The following CCNE2 variants were observed in gnomAD, a reference collection of about 807,000 sequenced individuals.
The protein encoded by CCNE2 is G1/S-specific cyclin-E2.
A neutral mutation model predicts 56.8 loss-of-function variants in CCNE2; 18 were observed. The observed-to-expected ratio is 0.32, with a 90% CI of 0.22 to 0.47. CCNE2 has a LOEUF of 0.47. Among genes scored for constraint, CCNE2 ranks in the 20% least tolerant of loss-of-function variants. The probability of loss-of-function intolerance (pLI) is 1.00; values close to 1 mark genes in which losing one functional copy is unlikely to be tolerated. For missense variants in CCNE2, 371 were observed against 467.1 expected (o/e 0.79, Z 1.90); for synonymous variants, 139 against 149.2 (o/e 0.93, Z 0.50).
At chr8:94,896,364 GC>G (rs1307152545), upstream of CCNE2, 2 of 148,866 alleles carry the variant, frequency 1.3e-5, no homozygotes, top group Non-Finnish European at 3.0e-5. Flanking sequence ...GAGGAGGGGG[GC>G]CCGACGCTCT....
At chr8:94,894,347 C>T in intron 1 of CCNE2, 100 bp from the exon 2 acceptor site, 1 of 1,167,396 alleles carries the variant, frequency 8.6e-7, no homozygotes, top group Non-Finnish European at 1.3e-6. Context: ...TCAGTCCCTC[C>T]GAAGGGGGCC....
At chr8:94,885,931 T>C (rs1446544207) in intron 7 of CCNE2, among the ~76,000 whole-genome samples, 5 of 151,976 alleles carry the variant, frequency 3.3e-5, no homozygotes, top group African/African-American at 7.3e-5. Flanking sequence ...GTAGGCCAGA[T>C]TGGTCTCAAA....
At chr8:94,893,804 A>G in intron 4 of CCNE2, 87 bp downstream of exon 4, 1 of 1,331,802 alleles carries the variant, frequency 7.5e-7, no homozygotes, top group Non-Finnish European at 1.1e-6. Context: ...AGAGGAATCT[A>G]TCGCAAAGCA....
chr8:94,889,070 C>A (rs74547098), intron 6 of CCNE2, among the ~76,000 whole-genome samples: 6,521 of 151,714 alleles, frequency 0.043, 246 homozygotes, highest in African/African-American at 0.1. Flanking sequence ...GTCGCTTGAA[C>A]GCGAGATGCA....
At chr8:94,884,920 G>T in intron 9 of CCNE2, 147 bp downstream of exon 9, 1 of 632,636 alleles carries the variant, frequency 1.6e-6, no homozygotes, top group Non-Finnish European at 2.6e-6. Flanking sequence ...AAACACTGGG[G>T]ACAGAACTTT....
Position 94,890,452 on chromosome 8 carries a change from G to C in CCNE2, c.416C>G (p.Pro139Arg). ...HFEVLHSDLE[P>R]QMRSILLDWL... ...GTCTAGAAGTATGGACCTCATCTGT[G>C]GTTCCAAGTCAGAATGCAGAACTTC... The change falls in exon 6 of 12, where the codon CCA becomes CGA. Residue 139 changes from proline to arginine, a missense_variant. Transcript: ENST00000308108. The C allele has an allele frequency of 6.2e-7, 1 of 1,607,318 alleles. No homozygotes were observed. Among genetic ancestry groups the C allele is most frequent in the Non-Finnish European group, 8.5e-7 (1 of 1,176,666 alleles).
chr8:94,888,975 C>T (rs763337206), intron 6 of CCNE2, among the ~76,000 whole-genome samples: 11 of 152,038 alleles, frequency 7.2e-5, no homozygotes, highest in African/African-American at 1.7e-4. Flanking sequence ...AGGGTGAAAC[C>T]GCATCTCTAT....
upstream of CCNE2, chr8:94,895,310 G>T (rs1196795102): frequency 3.2e-6 from 3 of 949,326 alleles, no homozygotes; most frequent in Non-Finnish European, 3.8e-6. Context: ...CCGCCCGTCC[G>T]CCCGCGTGCC....
At chr8:94,895,675 C>T (rs556347319), upstream of CCNE2, 6 of 152,368 alleles carry the variant, frequency 3.9e-5, no homozygotes, top group South Asian at 2.1e-4. Flanking sequence ...GAACCCAGGT[C>T]TTTCCTGAGC....
intron 5 of CCNE2, chr8:94,891,419 G>T (rs946001279): frequency 3.2e-5 from 9 of 277,170 alleles, no homozygotes; most frequent in African/African-American, 1.8e-4. Context: ...TGCACTTTGG[G>T]AGGCCAAGGT....
upstream of CCNE2, chr8:94,896,633 G>T (rs985245991): frequency 6.6e-6 from 1 of 152,028 alleles, no homozygotes; most frequent in Non-Finnish European, 1.5e-5. Context: ...GGCCCTGAGC[G>T]AGCCGGACGG....
chr8:94,894,827 G>T (rs1817411333), intron 1 of CCNE2, among the ~76,000 whole-genome samples: 1 of 152,222 alleles, frequency 6.6e-6, no homozygotes, highest in Admixed American at 6.5e-5. Flanking sequence ...AGCGGAGGGC[G>T]TGGGGGAGGG....
At position 94,894,207 on chromosome 8, in the gene CCNE2, C is replaced by A; in HGVS notation, c.14+1G>T. 1 of 1,614,128 alleles carries A rather than the reference C, an allele frequency of 6.2e-7. No homozygotes were observed. Among genetic ancestry groups the A allele is most frequent in the Non-Finnish European group, 8.5e-7 (1 of 1,179,976 alleles). On this transcript the variant is annotated splice_donor_variant, in intron 2 of 11. Transcript: ENST00000308108. LOFTEE classifies it high-confidence loss of function. ...CATGTCTCTAAGACAGATAATGTTA[C>A]CTTCGTCTTGACATTCTCTTCTTTC...
At chr8:94,887,114 G>A (rs1817066668) in intron 7 of CCNE2, among the ~76,000 whole-genome samples, 1 of 152,182 alleles carries the variant, frequency 6.6e-6, no homozygotes, top group African/African-American at 2.4e-5. Context: ...AAGTATTGAT[G>A]ATATCCATCA....
chr8:94,885,295 CAACCATAA>C (rs1816994106), intron 8 of CCNE2, 94 bp from the exon 9 acceptor site: 5 of 1,223,326 alleles, frequency 4.1e-6, no homozygotes, highest in Non-Finnish European at 5.9e-6. Flanking sequence ...ATTCCCCATC[CAACCATAA>C]CCATTGTCAA....
In CCNE2 at chr8:94,881,499, G is replaced by C; in HGVS notation, c.*133C>G. On this transcript the variant is annotated 3_prime_UTR_variant, in exon 12 of 12. Transcript: ENST00000308108. ...GTGCCAATTGTAAGTTTTAAAATCA[G>C]AATGGCAGTGTAACTTGTGAATTGG... 1 of 768,568 alleles carries C rather than the reference G, an allele frequency of 1.3e-6. No homozygotes were observed. The highest frequency in any genetic ancestry group is 2.1e-6 in the Non-Finnish European group (1 of 480,358). 47.6% of individuals were successfully genotyped at this position (768,568 alleles called of 1,614,324 possible). A position where few individuals can be genotyped will look rare whatever the true frequency, so the allele number is the denominator to read the frequency against.
intron 4 of CCNE2, among the ~76,000 whole-genome samples, chr8:94,893,317 C>CTT (rs11290412): frequency 7.2e-6 from 1 of 139,376 alleles, no homozygotes; most frequent in Admixed American, 7.2e-5. Flanking sequence ...TAGCAGGGAC[C>CTT]TTTTTTTTTT....
chr8:94,896,361 G>A (rs2131142122), upstream of CCNE2: 1 of 147,872 alleles, frequency 6.8e-6, no homozygotes, highest in Admixed American at 6.7e-5. Context: ...TGGGAGGAGG[G>A]GGGCCCGACG....
intron 7 of CCNE2, among the ~76,000 whole-genome samples, chr8:94,887,512 GA>G (rs1036494819): frequency 1.6e-4 from 22 of 141,762 alleles, no homozygotes; most frequent in African/African-American, 5.7e-4. Flanking sequence ...CTCGAAAAAA[GA>G]AAAAAAAAAG....
Sources: allele counts gnomAD v4.1 joint callset (sites outside exome capture counted in the v4.1 genomes callset), GRCh38; gene constraint gnomAD v4.1.1; transcripts MANE v1.5; gene names NCBI Gene and HGNC (gene_info 2026-07-23, HGNC 2026-07-21).